Variants in DENND5A observed in about 807,000 individuals in gnomAD.
DENND5A encodes DENN domain-containing protein 5A.
Under a neutral mutation model 140.3 loss-of-function variants are expected in DENND5A, and 64 were observed. The ratio of observed to expected loss-of-function variants is 0.46; its 90% CI spans 0.37 to 0.56. The LOEUF (loss-of-function observed/expected upper bound fraction) is 0.56. Ranked by LOEUF, DENND5A falls within the 20% of genes least tolerant of loss-of-function variation. The pLI is 0.00. For synonymous variants in DENND5A, 605 were observed against 607.7 expected (o/e 1.00, Z 0.07); for missense variants, 1,292 against 1,593.8 (o/e 0.81, Z 3.22).
At chr11:9,219,680 C>T (rs374775111) in intron 1 of DENND5A, among the ~76,000 whole-genome samples, 34 of 152,286 alleles carry the variant, frequency 2.2e-4, no homozygotes, top group African/African-American at 7.2e-4. Context: ...GTGCAATAGG[C>T]CTGGCAGGCC....
chr11:9,188,270 G>C (rs1367260481), intron 5 of DENND5A, among the ~76,000 whole-genome samples: 2 of 152,106 alleles, frequency 1.3e-5, no homozygotes, highest in African/African-American at 2.4e-5. Flanking sequence ...GCTCCTCCTT[G>C]CCTTCCACCA....
chr11:9,228,110 CAAAA>C (rs548141276), intron 1 of DENND5A, among the ~76,000 whole-genome samples: 6 of 72,686 alleles, frequency 8.3e-5, no homozygotes, highest in African/African-American at 2.8e-4. Context: ...GACTCCATCT[CAAAA>C]AAAAAAAAAA....
At chr11:9,197,690 G>A (rs1002602647) in intron 4 of DENND5A, among the ~76,000 whole-genome samples, 6 of 151,854 alleles carry the variant, frequency 4.0e-5, no homozygotes, top group East Asian at 3.9e-4. Context: ...GCAAGACCCC[G>A]TCTTAAAAAA....
chr11:9,180,672 C>T (rs1848696155), intron 6 of DENND5A, 95 bp downstream of exon 6: 42 of 1,231,610 alleles, frequency 3.4e-5, no homozygotes, highest in Non-Finnish European at 4.4e-5. Context: ...TATGAGTTGT[C>T]CAGAACTGGG....
At chr11:9,196,214 A>G (rs1295644331) in intron 4 of DENND5A, among the ~76,000 whole-genome samples, 1 of 152,146 alleles carries the variant, frequency 6.6e-6, no homozygotes, top group Non-Finnish European at 1.5e-5. Flanking sequence ...CGGCCTCCCA[A>G]ACTGCTGGGA....
At chr11:9,244,859 TAG>T (rs1851397250) in intron 1 of DENND5A, among the ~76,000 whole-genome samples, 1 of 151,964 alleles carries the variant, frequency 6.6e-6, no homozygotes. Flanking sequence ...TCTTTATTCA[TAG>T]AGACAGGGTT....
intron 1 of DENND5A, among the ~76,000 whole-genome samples, chr11:9,208,306 CAG>C (rs1233179201): frequency 7.2e-5 from 11 of 152,220 alleles, no homozygotes; most frequent in African/African-American, 2.4e-4. Context: ...CCTAACCATT[CAG>C]AGTACACTTG....
chr11:9,184,400 T>C (rs1266832814), intron 5 of DENND5A, among the ~76,000 whole-genome samples: 1 of 152,224 alleles, frequency 6.6e-6, no homozygotes, highest in African/African-American at 2.4e-5. Flanking sequence ...TTTACTGTAT[T>C]TACACTGATT....
At position 9,147,100 on chromosome 11, in the gene DENND5A, C is replaced by T. The variant is rs1480041405; in HGVS notation, c.2787G>A (p.Gln929=). Residue 929 remains glutamine (Q), a synonymous_variant, in exon 16 of 23, where the codon CAG becomes CAA. Coordinates refer to ENST00000328194, the MANE Select transcript of DENND5A (RefSeq NM_015213.4). The part of the protein sequence containing the change: ...AFLRCDDEKE[Q]FLYHLLSFNA... ...TGAAAGACAGGAGGTGATAGAGGAA[C>T]TGCTCCTTCTCGTCATCACAGCGCA... 2 of 1,613,992 alleles carry T rather than the reference C, an allele frequency of 1.2e-6. No individual in the cohort carries two copies. Among genetic ancestry groups the T allele is most frequent in the East Asian group, 2.2e-5 (1 of 44,904 alleles).
intron 1 of DENND5A, among the ~76,000 whole-genome samples, chr11:9,214,865 A>G (rs1453293712): frequency 6.6e-6 from 1 of 152,182 alleles, no homozygotes; most frequent in African/African-American, 2.4e-5. Context: ...CTGGGATTAC[A>G]GGCGCCTGCC....
intron 17 of DENND5A, chr11:9,145,405 C>T: frequency 1.7e-6 from 1 of 582,222 alleles, no homozygotes; most frequent in Non-Finnish European, 3.0e-6. Flanking sequence ...TGAAAGAACT[C>T]CTGGGGACTT....
chr11:9,155,102 T>C (rs1847761065), intron 12 of DENND5A, among the ~76,000 whole-genome samples: 1 of 150,928 alleles, frequency 6.6e-6, no homozygotes, highest in Non-Finnish European at 1.5e-5. Context: ...TGAGTCAAGA[T>C]GGCACTACTG....
intron 1 of DENND5A, among the ~76,000 whole-genome samples, chr11:9,235,957 C>T (rs892043952): frequency 5.9e-5 from 9 of 152,160 alleles, no homozygotes; most frequent in East Asian, 5.8e-4. Context: ...CATTTTTAAA[C>T]GGGCTAGGTG....
intron 8 of DENND5A, chr11:9,171,177 C>A: frequency 5.9e-6 from 1 of 169,614 alleles, no homozygotes; most frequent in Non-Finnish European, 1.3e-5. Flanking sequence ...GAGAGAGAAT[C>A]CAGGGGATCT....
At chr11:9,186,432 C>A (rs1159832758) in intron 5 of DENND5A, among the ~76,000 whole-genome samples, 3 of 152,174 alleles carry the variant, frequency 2.0e-5, no homozygotes, top group South Asian at 2.1e-4. Flanking sequence ...CTGTGACCCA[C>A]GAAAGGCACA....
chr11:9,265,081 C>T lies in DENND5A; in HGVS notation c.-12G>A. The T allele has an allele frequency of 6.7e-7, 1 of 1,503,370 alleles. No homozygotes were observed. The allele number at this position is 1,503,370 out of a possible 1,614,324, so 93.1% of individuals were successfully genotyped here. Reference sequence around the variant, plus strand: ...CCGCCGCCACTCATGGCGCCGGGGCCGAGACCGGCCGGGCAGTGCGGAGCG... The same window carrying T: ...CCGCCGCCACTCATGGCGCCGGGGCTGAGACCGGCCGGGCAGTGCGGAGCG... On this transcript the variant is annotated 5_prime_UTR_variant, in exon 1 of 23. Coordinates refer to ENST00000328194, the MANE Select transcript of DENND5A (RefSeq NM_015213.4). This position sits in a 1 kb window ranked among gnomAD's most constrained non-coding sequence, Gnocchi z 4.7.
chr11:9,260,587 G>A (rs1245950080), intron 1 of DENND5A, among the ~76,000 whole-genome samples: 1 of 152,126 alleles, frequency 6.6e-6, no homozygotes, highest in African/African-American at 2.4e-5. Flanking sequence ...ATATCCTCAA[G>A]GTGGCTAAAT....
intron 1 of DENND5A, among the ~76,000 whole-genome samples, chr11:9,259,047 G>C (rs1852075068): frequency 1.3e-5 from 2 of 152,118 alleles, no homozygotes; most frequent in Non-Finnish European, 2.9e-5. Context: ...GATCAACTGA[G>C]GTCAGGAGTT....
chr11:9,166,559 C>A (rs772800980), intron 10 of DENND5A, among the ~76,000 whole-genome samples: 1 of 152,088 alleles, frequency 6.6e-6, no homozygotes, highest in African/African-American at 2.4e-5. Flanking sequence ...TCAGGCAAGG[C>A]GCAGTGGCTC....
Sources: allele counts gnomAD v4.1 joint callset (sites outside exome capture counted in the v4.1 genomes callset), GRCh38; gene constraint gnomAD v4.1.1; non-coding constraint Gnocchi (gnomAD v3.1); transcripts MANE v1.5; gene names NCBI Gene and HGNC (gene_info 2026-07-23, HGNC 2026-07-21).